Variants in PXDN observed in about 807,000 individuals in gnomAD.
PXDN encodes peroxidasin homolog.
A neutral mutation model predicts 140.3 loss-of-function variants in PXDN; 77 were observed. That is an observed-to-expected ratio of 0.55 (90% CI 0.46 to 0.66). The LOEUF (loss-of-function observed/expected upper bound fraction) is 0.66. Ranked by LOEUF, PXDN falls within the 30% of genes least tolerant of loss-of-function variation. PXDN has a pLI of 0.00. For missense variants in PXDN, 1,838 were observed against 2,039.5 expected (o/e 0.90, Z 1.90); for synonymous variants, 911 against 857.4 (o/e 1.06, Z -1.09).
chr2:1,691,070 C>T (rs1465075392), intron 3 of PXDN, among the ~76,000 whole-genome samples: 2 of 152,088 alleles, frequency 1.3e-5, no homozygotes, highest in Admixed American at 1.3e-4. Flanking sequence ...CAAACCTGCA[C>T]GTTCTGCACA....
At chr2:1,673,236 C>A (rs1348145424) in intron 9 of PXDN, among the ~76,000 whole-genome samples, 1 of 152,154 alleles carries the variant, frequency 6.6e-6, no homozygotes, top group Non-Finnish European at 1.5e-5. Flanking sequence ...TTTGTGGTTT[C>A]TTTTACATAA....
intron 6 of PXDN, among the ~76,000 whole-genome samples, chr2:1,680,865 G>C (rs575861622): frequency 1.3e-5 from 2 of 152,266 alleles, no homozygotes; most frequent in East Asian, 3.9e-4. Context: ...AAGGGGGGCT[G>C]CATCTCCTGG....
Position 1,648,240 on chromosome 2 carries a change from C to G in PXDN, c.3540G>C (p.Ser1180=), listed in dbSNP as rs781453855. ...YHDYRVYCNL[S]AAHTFEDLKN... is the part of the protein sequence containing the mutation. ...TCAGGTCCTCGAACGTGTGTGCCGCCGATAGATTGCAGTAGACCCTGTAGT... is the reference window on the plus strand; with the variant it reads ...TCAGGTCCTCGAACGTGTGTGCCGCGGATAGATTGCAGTAGACCCTGTAGT... Residue 1180 remains serine, a synonymous_variant, in exon 17 of 23, where the codon TCG becomes TCC. Transcript: ENST00000252804. This position sits in a 1 kb window ranked among gnomAD's most constrained non-coding sequence, Gnocchi z 8.9. 2.2e-5 allele frequency: 36 copies of G among 1,613,832 alleles called. No individual in the cohort carries two copies. The highest frequency in any genetic ancestry group is 2.2e-5 in the South Asian group (2 of 91,076).
intron 11 of PXDN, 49 bp downstream of exon 11, chr2:1,664,909 G>T: frequency 6.9e-7 from 1 of 1,441,512 alleles, no homozygotes; most frequent in Non-Finnish European, 9.6e-7. Flanking sequence ...TGTGCTTCCT[G>T]CGTCTGTGGC....
chr2:1,715,201 G>A (rs908990080), intron 1 of PXDN, among the ~76,000 whole-genome samples: 2 of 152,100 alleles, frequency 1.3e-5, no homozygotes, highest in African/African-American at 4.8e-5. Context: ...TTCTGCCCCA[G>A]AAAGACCCTG....
chr2:1,658,573 G>A (rs571458310), intron 14 of PXDN, among the ~76,000 whole-genome samples: 9 of 150,748 alleles, frequency 6.0e-5, no homozygotes, highest in Non-Finnish European at 1.2e-4. Context: ...TATCCTCCCC[G>A]ACACCTCGCC....
chr2:1,736,111 G>A (rs944332389), intron 1 of PXDN, among the ~76,000 whole-genome samples: 1 of 152,116 alleles, frequency 6.6e-6, no homozygotes, highest in Non-Finnish European at 1.5e-5. Flanking sequence ...GAGAGTTAGG[G>A]CCTTGCTCTG....
chr2:1,650,067 A>G (rs1013186978), intron 16 of PXDN, among the ~76,000 whole-genome samples: 1 of 152,076 alleles, frequency 6.6e-6, no homozygotes, highest in Non-Finnish European at 1.5e-5. Context: ...AGAGACAGTC[A>G]CCACACCTCC....
chr2:1,634,367 C>A (rs746354675), intron 22 of PXDN, 44 bp from the exon 23 acceptor site: 2 of 1,534,428 alleles, frequency 1.3e-6, no homozygotes, highest in Non-Finnish European at 1.8e-6. Context: ...TCTGGGATGG[C>A]CTTCAGGTGA....
chr2:1,726,649 TG>T lies in PXDN; in HGVS notation c.200+17606del, dbSNP rs199541724. ...CATTTTAGCAAGCTTGTTTGTTTTT[TG>T]TTTGTTTTACTGAGCTGTATGAGTT... On this transcript the variant is annotated intron_variant, in intron 1 of 22. Transcript: ENST00000252804. Among the ~76,000 whole-genome samples, 579 of 152,322 alleles carry T rather than the reference TG, an allele frequency of 3.8e-3. 2 individuals carry two copies. Among genetic ancestry groups the T allele is most frequent in the African/African-American group, 0.013 (559 of 41,570 alleles).
intron 9 of PXDN, among the ~76,000 whole-genome samples, chr2:1,671,257 C>T (rs1381458811): frequency 6.6e-6 from 1 of 151,936 alleles, no homozygotes; most frequent in African/African-American, 2.4e-5. Context: ...TAGTGGGGAG[C>T]AAATATGAAA....
chr2:1,674,237 T>G (rs908999804), intron 8 of PXDN, among the ~76,000 whole-genome samples: 1 of 152,098 alleles, frequency 6.6e-6, no homozygotes, highest in African/African-American at 2.4e-5. Context: ...AGAGACAGAG[T>G]CTCACTCTGC....
At position 1,666,344 on chromosome 2, in the gene PXDN, C is replaced by T. The variant is rs375628348; in HGVS notation, c.1161G>A (p.Pro387=). 37 of 1,613,852 alleles carry T rather than the reference C, an allele frequency of 2.3e-5. No individual in the cohort carries two copies. Among genetic ancestry groups the T allele is most frequent in the East Asian group, 4.5e-5 (2 of 44,892 alleles). The change falls in exon 10 of 23, where the codon CCG becomes CCA. Residue 387 remains proline (P), a synonymous_variant. Coordinates refer to ENST00000252804, the MANE Select transcript of PXDN (RefSeq NM_012293.3). Reference sequence around the variant, plus strand: ...CGCCAGAAGGCGTGATGTTCACCCGCGGGTCAACTGGCAAGGGTGTGCGGT... The same window carrying T: ...CGCCAGAAGGCGTGATGTTCACCCGTGGGTCAACTGGCAAGGGTGTGCGGT... ...RGDRTPLPVD[P]RVNITPSGGL...
At chr2:1,706,834 C>T (rs76522070) in intron 1 of PXDN, among the ~76,000 whole-genome samples, 1,346 of 35,062 alleles carry the variant, frequency 0.038, 71 homozygotes, top group East Asian at 0.34. Context: ...TAATACAATC[C>T]GAGAGCACGC....
intron 6 of PXDN, among the ~76,000 whole-genome samples, chr2:1,683,383 T>A (rs1275038749): frequency 2.6e-5 from 4 of 152,162 alleles, no homozygotes; most frequent in African/African-American, 9.7e-5. Context: ...GCCACTGCAC[T>A]CCAGCCTGGG....
intron 1 of PXDN, 92 bp downstream of exon 1, chr2:1,744,164 C>T (rs1685632039): frequency 7.9e-7 from 1 of 1,269,096 alleles, no homozygotes; most frequent in Non-Finnish European, 1.0e-6. Context: ...CCCCCTCCAC[C>T]CTCCGCGCCC....
intron 1 of PXDN, among the ~76,000 whole-genome samples, chr2:1,737,749 G>C (rs1420379273): frequency 6.6e-6 from 1 of 152,118 alleles, no homozygotes; most frequent in African/African-American, 2.4e-5. Context: ...ATGTTGGGCA[G>C]GCTGGTCTTG....
intron 9 of PXDN, among the ~76,000 whole-genome samples, chr2:1,673,406 C>T (rs928083676): frequency 6.6e-6 from 1 of 152,064 alleles, no homozygotes; most frequent in African/African-American, 2.4e-5. Flanking sequence ...TGGACTGCCC[C>T]GGCTGTGTGG....
intron 1 of PXDN, among the ~76,000 whole-genome samples, chr2:1,694,313 C>T (rs1052876322): frequency 3.3e-5 from 5 of 152,156 alleles, no homozygotes; most frequent in African/African-American, 7.2e-5. Context: ...TCTGATTATC[C>T]TATGCCAATG....
Sources: gnomAD v4.1 joint callset for allele counts (sites outside exome capture counted in the v4.1 genomes callset) on GRCh38, gnomAD v4.1.1 for gene constraint, Gnocchi (gnomAD v3.1) non-coding constraint, MANE v1.5 for transcripts, NCBI Gene and HGNC (gene_info 2026-07-23, HGNC 2026-07-21) for gene names.